Variants in MAPK10 observed in about 807,000 individuals in gnomAD.
MAPK10 encodes mitogen-activated protein kinase 10, also known as JNK3 alpha protein kinase.
Under a neutral mutation model 59.3 loss-of-function variants are expected in MAPK10, and 25 were observed. The observed-to-expected ratio is 0.42, with a 90% CI of 0.31 to 0.59. The LOEUF (loss-of-function observed/expected upper bound fraction) is 0.59. Ranked by LOEUF, MAPK10 falls within the 20% of genes least tolerant of loss-of-function variation. MAPK10 has a pLI of 0.15. For missense variants in MAPK10, 351 were observed against 568.9 expected (o/e 0.62, Z 3.90); for synonymous variants, 190 against 200.5 (o/e 0.95, Z 0.44).
intron 9 of MAPK10, chr4:86,081,887 A>G (rs2050735244): frequency 6.6e-6 from 1 of 152,100 alleles, no homozygotes; most frequent in South Asian, 2.1e-4. Context: ...AAGAAAAAAA[A>G]AAACAGTAAA....
chr4:86,355,570 A>G (rs1734000374), intron 1 of MAPK10, among the ~76,000 whole-genome samples: 1 of 152,124 alleles, frequency 6.6e-6, no homozygotes, highest in South Asian at 2.1e-4. Flanking sequence ...AAATGGCAGA[A>G]ACTGTGTTAC....
chr4:86,456,180 G>A (rs1458896095), upstream of MAPK10, among the ~76,000 whole-genome samples: 1 of 152,122 alleles, frequency 6.6e-6, no homozygotes, highest in Non-Finnish European at 1.5e-5. Flanking sequence ...AAAGTTCATA[G>A]CTCTAAATGC....
chr4:86,249,218 T>C (rs2148707950), intron 2 of MAPK10, among the ~76,000 whole-genome samples: 1 of 152,234 alleles, frequency 6.6e-6, no homozygotes, highest in East Asian at 1.9e-4. Context: ...AACCTAACAG[T>C]GGCTAAAATA....
intron 1 of MAPK10, among the ~76,000 whole-genome samples, chr4:86,548,608 C>A (rs541379742): frequency 4.6e-5 from 7 of 152,142 alleles, no homozygotes; most frequent in Non-Finnish European, 1.0e-4. Flanking sequence ...CCTTTGCCTT[C>A]CACCATGATT....
At chr4:86,254,807 T>A (rs2093630911) in intron 2 of MAPK10, among the ~76,000 whole-genome samples, 1 of 151,224 alleles carries the variant, frequency 6.6e-6, no homozygotes, top group Admixed American at 6.6e-5. Context: ...TGTGTGGGAG[T>A]CTAAGTCTCT....
intron 1 of MAPK10, among the ~76,000 whole-genome samples, chr4:86,451,712 C>A (rs933286443): frequency 6.6e-6 from 1 of 152,146 alleles, no homozygotes; most frequent in South Asian, 2.1e-4. Context: ...ACCCATGTGC[C>A]TGATGCCTAT....
At chr4:86,155,417 C>G (rs1016110258) in intron 4 of MAPK10, among the ~76,000 whole-genome samples, 1 of 151,512 alleles carries the variant, frequency 6.6e-6, no homozygotes, top group Non-Finnish European at 1.5e-5. Context: ...TTAAGATAAA[C>G]TAACCCACCG....
At chr4:86,118,702 C>G (rs1167324787) in intron 4 of MAPK10, among the ~76,000 whole-genome samples, 2 of 151,794 alleles carry the variant, frequency 1.3e-5, no homozygotes, top group Non-Finnish European at 2.9e-5. Flanking sequence ...CACAAATGTT[C>G]TTCTTCCTAA....
At chr4:86,233,653 G>A (rs761971970) in intron 2 of MAPK10, among the ~76,000 whole-genome samples, 4 of 152,134 alleles carry the variant, frequency 2.6e-5, no homozygotes, top group South Asian at 2.1e-4. Flanking sequence ...CATAGCCTCC[G>A]AGTGTGAGCA....
chr4:86,555,463 G>A (rs1760191605), intron 1 of MAPK10, among the ~76,000 whole-genome samples: 1 of 152,090 alleles, frequency 6.6e-6, no homozygotes, highest in Non-Finnish European at 1.5e-5. Context: ...AAGGAAAGTA[G>A]GGATTATAGG....
intron 2 of MAPK10, among the ~76,000 whole-genome samples, chr4:86,212,011 AAGAC>A (rs1212465306): frequency 1.3e-5 from 2 of 152,194 alleles, no homozygotes; most frequent in Non-Finnish European, 2.9e-5. Flanking sequence ...GAAAGAAAAA[AAGAC>A]AGTAATGCGG....
At chr4:86,309,292 C>T (rs1394479825) in intron 2 of MAPK10, among the ~76,000 whole-genome samples, 2 of 152,190 alleles carry the variant, frequency 1.3e-5, no homozygotes, top group Non-Finnish European at 2.9e-5. Context: ...GTGAATATCT[C>T]TGCCTTTCCA....
At chr4:86,240,961 C>T (rs2092687293) in intron 2 of MAPK10, among the ~76,000 whole-genome samples, 1 of 152,136 alleles carries the variant, frequency 6.6e-6, no homozygotes. Flanking sequence ...TGTGTTTTTG[C>T]AGTGGCTTGT....
intron 9 of MAPK10, among the ~76,000 whole-genome samples, chr4:86,071,975 C>A (rs1235835104): frequency 8.1e-6 from 1 of 123,944 alleles, no homozygotes; most frequent in Non-Finnish European, 1.7e-5. Flanking sequence ...CTGTAAATTA[C>A]CTTGGGCAGT....
At chr4:86,543,165 G>C (rs1320189475) in intron 1 of MAPK10, among the ~76,000 whole-genome samples, 1 of 152,136 alleles carries the variant, frequency 6.6e-6, no homozygotes, top group Non-Finnish European at 1.5e-5. Context: ...TCCAGGTGGG[G>C]GGACTTAGAT....
chr4:86,156,945 C>T (rs1164603794), intron 4 of MAPK10, among the ~76,000 whole-genome samples: 6 of 152,014 alleles, frequency 3.9e-5, no homozygotes, highest in Non-Finnish European at 7.4e-5. Flanking sequence ...ATTGTTTCTG[C>T]TTCAACAGAT....
chr4:86,373,647 T>A (rs890453022), intron 1 of MAPK10, among the ~76,000 whole-genome samples: 1 of 151,978 alleles, frequency 6.6e-6, no homozygotes, highest in South Asian at 2.1e-4. Flanking sequence ...AACAAACATA[T>A]GAAAAAAAGT....
intron 2 of MAPK10, among the ~76,000 whole-genome samples, chr4:86,212,061 A>G (rs538408633): frequency 7.2e-5 from 11 of 152,288 alleles, no homozygotes; most frequent in African/African-American, 2.4e-4. Flanking sequence ...GTCATACAGA[A>G]AACAAATACC....
chr4:86,442,021 G>A (rs560616082), intron 1 of MAPK10, among the ~76,000 whole-genome samples: 10 of 152,256 alleles, frequency 6.6e-5, no homozygotes, highest in Non-Finnish European at 1.2e-4. Context: ...GGGAAATCCC[G>A]ATGGAAACTA....
Sources: gnomAD v4.1 joint callset for allele counts (sites outside exome capture counted in the v4.1 genomes callset) on GRCh38, gnomAD v4.1.1 for gene constraint, MANE v1.5 for transcripts, NCBI Gene and HGNC (gene_info 2026-07-23, HGNC 2026-07-21) for gene names.